Variants in SPIRE1 observed in about 807,000 individuals in gnomAD.
SPIRE1 encodes the protein spire type actin nucleation factor 1, also known as protein spire homolog 1.
A neutral mutation model predicts 94.1 loss-of-function variants in SPIRE1; 40 were observed. The ratio of observed to expected loss-of-function variants is 0.43; its 90% CI spans 0.33 to 0.55. SPIRE1 has a LOEUF of 0.55. Among genes scored for constraint, SPIRE1 ranks in the 20% least tolerant of loss-of-function variants. The pLI is 0.06. For synonymous variants in SPIRE1, 376 were observed against 371.7 expected (o/e 1.01, Z -0.13); for missense variants, 838 against 975.2 (o/e 0.86, Z 1.87).
Position 12,657,639 on chromosome 18 carries a change from G to T in SPIRE1, c.228C>A (p.Arg76=). Residue 76 remains arginine (R), a synonymous_variant, in exon 1 of 17, where the codon CGC becomes CGA. Transcript: ENST00000409402. ...CCGAGCGCACACGGTGGCGGGGCTG[G>T]CGGCGGCGGGCGGCGGCGCGCAGGG... is the stretch of plus-strand genomic sequence containing the variant. ...CGSLRAAARR[R]QPRHRVRSAA... The T allele has an allele frequency of 7.6e-7, 1 of 1,310,316 alleles. No homozygotes were observed. Among genetic ancestry groups the T allele is most frequent in the Non-Finnish European group, 9.7e-7 (1 of 1,028,098 alleles). 81.2% of individuals were successfully genotyped at this position (1,310,316 alleles called of 1,614,324 possible).
intron 10 of SPIRE1, among the ~76,000 whole-genome samples, chr18:12,467,759 G>A (rs1359587195): frequency 6.6e-6 from 1 of 152,204 alleles, no homozygotes; most frequent in Non-Finnish European, 1.5e-5. Context: ...AGACCAGCCT[G>A]ACCAACATGG....
chr18:12,528,440 G>T (rs1459161430), intron 4 of SPIRE1, among the ~76,000 whole-genome samples: 1 of 152,230 alleles, frequency 6.6e-6, no homozygotes, highest in Non-Finnish European at 1.5e-5. Flanking sequence ...TTTGAGTTAG[G>T]TCTTAAGGAG....
At chr18:12,575,036 A>T (rs1194086978) in intron 2 of SPIRE1, among the ~76,000 whole-genome samples, 1 of 152,208 alleles carries the variant, frequency 6.6e-6, no homozygotes, top group Non-Finnish European at 1.5e-5. Flanking sequence ...AGAAAATTCA[A>T]TGAAGAAAAG....
intron 2 of SPIRE1, 38 bp from the exon 3 acceptor site, chr18:12,546,942 G>A (rs1213366883): frequency 6.9e-7 from 1 of 1,455,724 alleles, no homozygotes; most frequent in East Asian, 2.3e-5. Context: ...GGAGATGAAT[G>A]AAGAGCTTTC....
At chr18:12,467,840 T>G (rs1347371441) in intron 10 of SPIRE1, among the ~76,000 whole-genome samples, 1 of 152,086 alleles carries the variant, frequency 6.6e-6, no homozygotes, top group Non-Finnish European at 1.5e-5. Context: ...TCCCAGCTAC[T>G]CAGGAGGCTG....
chr18:12,616,102 A>G (rs2037300497), intron 2 of SPIRE1, among the ~76,000 whole-genome samples: 1 of 152,194 alleles, frequency 6.6e-6, no homozygotes, highest in South Asian at 2.1e-4. Flanking sequence ...GCAGTCTCAC[A>G]GTCTCCTTCA....
rs761287322 is a variant in SPIRE1 at position 12,463,446 on chromosome 18, G to A, written c.1543C>T (p.Arg515Trp). The A allele has an allele frequency of 8.1e-6, 13 of 1,613,718 alleles. No individual in the cohort carries two copies. The highest frequency in any genetic ancestry group is 5.0e-5 in the Admixed American group (3 of 60,006). Residue 515 changes from arginine (R) to tryptophan (W), a missense_variant, in exon 12 of 17, where the codon CGG becomes TGG. By Grantham distance (101) the Arg-to-Trp change is moderately radical. Coordinates refer to ENST00000409402, the MANE Select transcript of SPIRE1 (RefSeq NM_001128626.2). ...GAATGTCGTCTCTGGGGTGGCTGCC[G>A]TCTCTCTGGCTGGGGTGTTGATGAT... The part of the protein sequence containing the change: ...PISSTPQPER[R>W]QPPQRRHSIE...
intron 2 of SPIRE1, among the ~76,000 whole-genome samples, chr18:12,610,056 A>C (rs1598526692): frequency 4.1e-5 from 6 of 144,888 alleles, no homozygotes; most frequent in Admixed American, 7.0e-5. Context: ...CTTCCTCCCC[A>C]CCCCTCCCTC....
intron 2 of SPIRE1, among the ~76,000 whole-genome samples, chr18:12,578,698 CGATGT>C (rs1567946503): frequency 1.3e-5 from 2 of 152,070 alleles, no homozygotes; most frequent in Admixed American, 6.6e-5. Context: ...ACCCACTATC[CGATGT>C]GTAGCCCTGG....
At chr18:12,506,105 T>G (rs1480731207) in intron 6 of SPIRE1, among the ~76,000 whole-genome samples, 1 of 152,152 alleles carries the variant, frequency 6.6e-6, no homozygotes, top group African/African-American at 2.4e-5. Context: ...ATATTAAAAC[T>G]ATTTTCAACA....
chr18:12,638,893 G>A (rs554360967), intron 1 of SPIRE1, among the ~76,000 whole-genome samples: 1 of 152,210 alleles, frequency 6.6e-6, no homozygotes, highest in Admixed American at 6.5e-5. Flanking sequence ...GTTTTCTGAG[G>A]CCTCCCCAGC....
chr18:12,597,494 G>C (rs1048949455), intron 2 of SPIRE1, among the ~76,000 whole-genome samples: 2 of 152,196 alleles, frequency 1.3e-5, no homozygotes, highest in African/African-American at 4.8e-5. Context: ...AACTATTGGG[G>C]AGACTGTATT....
intron 3 of SPIRE1, among the ~76,000 whole-genome samples, chr18:12,539,408 C>T (rs1430291508): frequency 1.3e-5 from 2 of 152,110 alleles, no homozygotes; most frequent in African/African-American, 4.8e-5. Context: ...GATTGTGAGG[C>T]CTCCTTAGCC....
At chr18:12,557,922 G>A (rs1334427651) in intron 2 of SPIRE1, among the ~76,000 whole-genome samples, 1 of 152,238 alleles carries the variant, frequency 6.6e-6, no homozygotes, top group African/African-American at 2.4e-5. Context: ...CTGGGGAAAA[G>A]ACGGTCTCTT....
At chr18:12,547,679 T>C (rs2035213761) in intron 2 of SPIRE1, among the ~76,000 whole-genome samples, 1 of 152,224 alleles carries the variant, frequency 6.6e-6, no homozygotes. Flanking sequence ...TGGTGGCTCA[T>C]GCCTGTAATC....
intron 2 of SPIRE1, among the ~76,000 whole-genome samples, chr18:12,607,808 T>G (rs2037026177): frequency 6.6e-6 from 1 of 152,118 alleles, no homozygotes; most frequent in African/African-American, 2.4e-5. Flanking sequence ...TGTGTTGAGG[T>G]GACGGCTACC....
At chr18:12,588,865 T>A (rs1012834782) in intron 2 of SPIRE1, among the ~76,000 whole-genome samples, 1 of 152,218 alleles carries the variant, frequency 6.6e-6, no homozygotes, top group African/African-American at 2.4e-5. Flanking sequence ...ACTTTAGATA[T>A]AGTCAGAAGT....
At chr18:12,653,762 C>T (rs1326386021) in intron 1 of SPIRE1, among the ~76,000 whole-genome samples, 1 of 151,984 alleles carries the variant, frequency 6.6e-6, no homozygotes, top group Non-Finnish European at 1.5e-5. Flanking sequence ...GCCTGGGCAA[C>T]ATGGGGAAAC....
chr18:12,456,764 A>G (rs2031525233), intron 12 of SPIRE1, among the ~76,000 whole-genome samples: 2 of 152,208 alleles, frequency 1.3e-5, no homozygotes, highest in Admixed American at 1.3e-4. Context: ...TTGAGTCACA[A>G]ATGGGCTTAG....
Sources: gnomAD v4.1 joint callset for allele counts (sites outside exome capture counted in the v4.1 genomes callset) on GRCh38, gnomAD v4.1.1 for gene constraint, MANE v1.5 for transcripts, NCBI Gene and HGNC (gene_info 2026-07-23, HGNC 2026-07-21) for gene names.